The following RRM2B variants were observed in gnomAD, a reference collection of about 807,000 sequenced individuals.
RRM2B encodes the protein ribonucleotide reductase regulatory TP53 inducible subunit M2B.
Under a neutral mutation model 45.9 loss-of-function variants are expected in RRM2B, and 20 were observed. The observed-to-expected ratio is 0.44, with a 90% CI of 0.31 to 0.63. RRM2B has a LOEUF of 0.63. Ranked by LOEUF, RRM2B falls within the 30% of genes least tolerant of loss-of-function variation. The pLI, the probability that RRM2B is intolerant of heterozygous loss-of-function variation, is 0.09. For synonymous variants in RRM2B, 124 were observed against 132.3 expected (o/e 0.94, Z 0.43); for missense variants, 320 against 414.7 (o/e 0.77, Z 1.98).
chr8:102,236,427 A>C (rs1280396951), intron 1 of RRM2B, among the ~76,000 whole-genome samples: 1 of 152,252 alleles, frequency 6.6e-6, no homozygotes, highest in Non-Finnish European at 1.5e-5. Flanking sequence ...ATAAAAAACT[A>C]GATTTTGCAA....
intron 1 of RRM2B, among the ~76,000 whole-genome samples, chr8:102,235,840 T>C (rs999215672): frequency 3.3e-5 from 5 of 151,616 alleles, no homozygotes; most frequent in African/African-American, 1.2e-4. Flanking sequence ...AGACTCCGTC[T>C]CAAAAAAAAA....
intron 1 of RRM2B, among the ~76,000 whole-genome samples, chr8:102,237,052 C>T (rs930340975): frequency 2.6e-5 from 4 of 152,188 alleles, no homozygotes; most frequent in African/African-American, 7.2e-5. Flanking sequence ...GTATTATTTT[C>T]ACTTCTATTC....
intron 6 of RRM2B, among the ~76,000 whole-genome samples, chr8:102,214,991 A>G (rs1295206917): frequency 6.7e-6 from 1 of 148,810 alleles, no homozygotes; most frequent in Non-Finnish European, 1.5e-5. Context: ...AGGAGAGTCA[A>G]CCTACAATAA....
Position 102,214,072 on chromosome 8 carries a change from A to C in RRM2B, c.771T>G (p.Asp257Glu). The C allele has an allele frequency of 6.2e-7, 1 of 1,612,624 alleles. No homozygotes were observed. Among genetic ancestry groups the C allele is most frequent in the Non-Finnish European group, 8.5e-7 (1 of 1,178,818 alleles). ...GGTTTACCTGCTCAATTTTGACAGC[A>C]TCAACAATGATCTCCCTGACCCTTT... is the stretch of plus-strand genomic sequence containing the variant. ...SEERVREIIV[D>E]AVKIEQEFLT... Residue 257 changes from aspartate to glutamate, a missense_variant, in exon 7 of 9, where the codon GAT (aspartate) becomes GAG (glutamate). Physicochemically the swap from Asp to Glu is conservative, Grantham distance 45. This residue lies in a region of RRM2B where 225 missense variants were observed against 289.4 expected (regional missense o/e 0.78). Coordinates refer to ENST00000251810, the MANE Select transcript of RRM2B (RefSeq NM_015713.5).
intron 6 of RRM2B, among the ~76,000 whole-genome samples, chr8:102,214,744 C>A (rs1810696257): frequency 7.9e-6 from 1 of 127,216 alleles, no homozygotes; most frequent in South Asian, 2.6e-4. Context: ...TGGCAAAACC[C>A]AATCTCTACA....
chr8:102,209,833 G>A (rs1425508303), intron 8 of RRM2B, among the ~76,000 whole-genome samples: 1 of 152,174 alleles, frequency 6.6e-6, no homozygotes, highest in African/African-American at 2.4e-5. Context: ...GCTACAACAT[G>A]AATGCACCAT....
At chr8:102,227,795 C>A (rs1410640924) in intron 2 of RRM2B, among the ~76,000 whole-genome samples, 3 of 152,128 alleles carry the variant, frequency 2.0e-5, no homozygotes, top group Non-Finnish European at 4.4e-5. Flanking sequence ...AGATGGCCAC[C>A]TTCTTGCTGT....
chr8:102,216,982 C>T (rs182664887), intron 6 of RRM2B, among the ~76,000 whole-genome samples: 7 of 152,022 alleles, frequency 4.6e-5, no homozygotes, highest in Admixed American at 3.9e-4. Context: ...AGTAATTCTA[C>T]TTTTTGTGAT....
At position 102,238,832 on chromosome 8, in the gene RRM2B, C is replaced by T; in HGVS notation, c.43G>A (p.Asp15Asn). ...ERPEAAGLDQDERSSSDTNES... is the reference protein window; with the variant it reads ...ERPEAAGLDQNERSSSDTNES... ...GACGCAACAGCAACATTTACCTCAT[C>T]CTGATCCAGCCCGGCCGCTTCCGGC... Residue 15 changes from aspartate (D) to asparagine (N), a missense_variant, in exon 1 of 9, where the codon GAT (aspartate) becomes AAT (asparagine). Asp to Asn is a conservative substitution (Grantham distance 23). Coordinates refer to ENST00000251810, the MANE Select transcript of RRM2B (RefSeq NM_015713.5). 1.2e-6 allele frequency: 2 copies of T among 1,613,690 alleles called. No homozygotes were observed. Among genetic ancestry groups the T allele is most frequent in the Non-Finnish European group, 1.7e-6 (2 of 1,179,930 alleles).
At chr8:102,225,890 CA>C (rs766728236) in intron 3 of RRM2B, 27 bp downstream of exon 3, 1 of 1,251,072 alleles carries the variant, frequency 8.0e-7, no homozygotes, top group Non-Finnish European at 1.2e-6. Context: ...TAAAGGAGAA[CA>C]AAAGTTAAAT....
intron 8 of RRM2B, among the ~76,000 whole-genome samples, chr8:102,211,614 G>T (rs920632126): frequency 6.6e-6 from 1 of 152,114 alleles, no homozygotes; most frequent in African/African-American, 2.4e-5. Context: ...AAAGAATAGC[G>T]AATTCACTGT....
intron 1 of RRM2B, 32 bp from the exon 2 acceptor site, chr8:102,232,336 A>C (rs1018551287): frequency 1.0e-5 from 16 of 1,602,910 alleles, no homozygotes. Flanking sequence ...CACGCCTTTT[A>C]TATAGACATT....
intron 8 of RRM2B, among the ~76,000 whole-genome samples, chr8:102,211,906 C>T (rs1810642032): frequency 6.6e-6 from 1 of 152,172 alleles, no homozygotes; most frequent in Non-Finnish European, 1.5e-5. Flanking sequence ...GCTAATACAA[C>T]ATTAGCAAGA....
intron 2 of RRM2B, among the ~76,000 whole-genome samples, chr8:102,226,514 G>C (rs1049996746): frequency 6.6e-6 from 1 of 151,814 alleles, no homozygotes; most frequent in Admixed American, 6.6e-5. Flanking sequence ...TAAAAGGGGA[G>C]GGGGGAGAGT....
Position 102,208,192 on chromosome 8 carries a change from G to A in RRM2B, c.997C>T (p.Arg333Cys), listed in dbSNP as rs1420052520. ...GTGGTTTCTGCCATAACTGCAAAAC[G>A]CTGATACTCTGAAACTCGTTTCTCA... ...FFEKRVSEYQ[R>C]FAVMAETTDN... is the part of the protein sequence containing the mutation. The change falls in exon 9 of 9, where the codon CGT (arginine) becomes TGT (cysteine). Residue 333 changes from arginine (R) to cysteine (C), a missense_variant. Physicochemically the swap from Arg to Cys is radical, Grantham distance 180. Transcript: ENST00000251810. The A allele has an allele frequency of 1.2e-6, 2 of 1,612,776 alleles. No individual in the cohort carries two copies. Among genetic ancestry groups the A allele is most frequent in the Non-Finnish European group, 1.7e-6 (2 of 1,178,958 alleles).
Position 102,224,895 on chromosome 8 carries a change from G to A in RRM2B, c.445C>T (p.Pro149Ser). ...AAATCCCAACAATACCTTTTCTTGGGATCTCTGATGTAAGTGTCTATCAGC... is the reference window on the plus strand; with the variant it reads ...AAATCCCAACAATACCTTTTCTTGGAATCTCTGATGTAAGTGTCTATCAGC... ...SLLIDTYIRD[P>S]KKREFLFNAI... Residue 149 changes from proline (P) to serine (S), a missense_variant, in exon 4 of 9, where the codon CCC becomes TCC. Physicochemically the swap from Pro to Ser is moderately conservative, Grantham distance 74. Coordinates refer to ENST00000251810, the MANE Select transcript of RRM2B (RefSeq NM_015713.5). 1 of 1,613,674 alleles carries A rather than the reference G, an allele frequency of 6.2e-7. No homozygotes were observed. Among genetic ancestry groups the A allele is most frequent in the Non-Finnish European group, 8.5e-7 (1 of 1,179,650 alleles).
At position 102,214,162 on chromosome 8, in the gene RRM2B, A is replaced by C. The variant is rs202172163; in HGVS notation, c.685-4T>G. 104 of 1,586,200 alleles carry C rather than the reference A, an allele frequency of 6.6e-5. No individual in the cohort carries two copies. Among genetic ancestry groups the C allele is most frequent in the Non-Finnish European group, 8.7e-5 (101 of 1,155,038 alleles). On this transcript the variant is annotated splice_region_variant and splice_polypyrimidine_tract_variant and intron_variant, in intron 6 of 8. Coordinates refer to ENST00000251810, the MANE Select transcript of RRM2B (RefSeq NM_015713.5). ...AAGCAAAGTCACAGTGAAGTCCCTA[A>C]AAGGGAAGAAAAATGTCATTGTCAA...
chr8:102,238,918 T>C lies in RRM2B; in HGVS notation c.-44A>G. On this transcript the variant is annotated 5_prime_UTR_variant, in exon 1 of 9. Coordinates refer to ENST00000251810, the MANE Select transcript of RRM2B (RefSeq NM_015713.5). ...GCTACGGGCGCTGAGGGAACTGAGC[T>C]CCTCAGGCCACCTCCAACTACGACA... 6.3e-7 allele frequency: 1 copy of C among 1,596,186 alleles called. No individual in the cohort carries two copies. Among genetic ancestry groups the C allele is most frequent in the South Asian group, 1.1e-5 (1 of 90,772 alleles).
At chr8:102,238,699 C>T (rs1238230138) in intron 1 of RRM2B, 128 bp downstream of exon 1, 2 of 1,558,010 alleles carry the variant, frequency 1.3e-6, no homozygotes, top group Middle Eastern at 3.3e-4. Flanking sequence ...AGCCAGGCTG[C>T]GGCGAGGGCG....
Sources: gnomAD v4.1 joint callset for allele counts (sites outside exome capture counted in the v4.1 genomes callset) on GRCh38, gnomAD v4.1.1 for gene constraint, gnomAD v4.1.1 regional missense constraint, MANE v1.5 for transcripts, NCBI Gene and HGNC (gene_info 2026-07-23, HGNC 2026-07-21) for gene names.